The following LRRC4C variants were observed in gnomAD, a reference collection of about 807,000 sequenced individuals.
LRRC4C encodes leucine rich repeat containing 4C.
In LRRC4C, 5 loss-of-function variants were observed where a neutral mutation model predicts 33.6. That is an observed-to-expected ratio of 0.15 (90% CI 0.08 to 0.31). The LOEUF (loss-of-function observed/expected upper bound fraction) is 0.31. Ranked by LOEUF, LRRC4C falls within the 10% of genes least tolerant of loss-of-function variation. LRRC4C has a pLI of 1.00. For missense variants in LRRC4C, 560 were observed against 796.7 expected, an observed-to-expected ratio of 0.70 and a Z score of 3.58; for synonymous variants, 329 against 302.0, an observed-to-expected ratio of 1.09 and a Z score of -0.93.
intron 1 of LRRC4C, among the ~76,000 whole-genome samples, chr11:41,056,679 C>A (rs1858643157): frequency 6.6e-6 from 1 of 152,160 alleles, no homozygotes; most frequent in African/African-American, 2.4e-5. Context: ...TACCACTAAT[C>A]ATTAGATAAA....
chr11:40,368,307 T>C (rs1051580749), intron 3 of LRRC4C, among the ~76,000 whole-genome samples: 2 of 152,164 alleles, frequency 1.3e-5, no homozygotes, highest in Non-Finnish European at 1.5e-5. Flanking sequence ...TAAGAGGACA[T>C]TGGCTTTAGA....
chr11:40,723,488 A>G (rs532819703), intron 2 of LRRC4C, among the ~76,000 whole-genome samples: 101 of 152,284 alleles, frequency 6.6e-4, no homozygotes, highest in African/African-American at 1.9e-3. Context: ...TTCAACCAAA[A>G]ATTTTATATC....
chr11:40,187,672 C>G (rs554492123), intron 5 of LRRC4C, among the ~76,000 whole-genome samples: 1 of 152,178 alleles, frequency 6.6e-6, no homozygotes, highest in Admixed American at 6.5e-5. Context: ...ATGTTCTGAT[C>G]ATTTTTCAAC....
At position 41,220,927 on chromosome 11, in the gene LRRC4C, G is replaced by A. The variant is rs185915820; in HGVS notation, c.-496+238504C>T. On this transcript the variant is annotated intron_variant, in intron 1 of 6. Transcript: ENST00000528697. The stretch of plus-strand genomic sequence containing the variant: ...GACTTTGTGAACTTGAGTTAAAGAT[G>A]TTACTACTATTAAATTACTGATGAT... Among the ~76,000 whole-genome samples, 248 of 152,204 alleles carry A rather than the reference G, an allele frequency of 1.6e-3. 1 individual carries two copies. The highest frequency in any genetic ancestry group is 4.9e-3 in the African/African-American group (202 of 41,542).
chr11:40,715,643 T>C (rs11036036), intron 2 of LRRC4C, among the ~76,000 whole-genome samples: 1 of 152,136 alleles, frequency 6.6e-6, no homozygotes, highest in South Asian at 2.1e-4. Flanking sequence ...ATGCCACATA[T>C]CCTTCAGGAG....
At chr11:41,441,897 A>G (rs1955631134) in intron 1 of LRRC4C, among the ~76,000 whole-genome samples, 2 of 152,208 alleles carry the variant, frequency 1.3e-5, no homozygotes, top group Admixed American at 1.3e-4. Context: ...TGGTCCAAAC[A>G]TCTTCTGCCC....
intron 3 of LRRC4C, among the ~76,000 whole-genome samples, chr11:40,569,467 A>G (rs1215754369): frequency 6.6e-6 from 1 of 152,164 alleles, no homozygotes; most frequent in African/African-American, 2.4e-5. Flanking sequence ...CTCATTTATT[A>G]ACTCCTAAAA....
chr11:40,363,078 A>T (rs7117706), intron 3 of LRRC4C, among the ~76,000 whole-genome samples: 75,801 of 152,044 alleles, frequency 0.5, 19,329 homozygotes, highest in East Asian at 0.8. Context: ...AGGAATATAA[A>T]TTGTTCTCTT....
chr11:41,265,779 T>A (rs570158823), intron 1 of LRRC4C, among the ~76,000 whole-genome samples: 1 of 151,988 alleles, frequency 6.6e-6, no homozygotes, highest in Non-Finnish European at 1.5e-5. Flanking sequence ...TCTGAAAAAA[T>A]TTCTCATTAG....
intron 2 of LRRC4C, among the ~76,000 whole-genome samples, chr11:40,686,176 A>G (rs1944945186): frequency 6.6e-6 from 1 of 152,082 alleles, no homozygotes; most frequent in African/African-American, 2.4e-5. Flanking sequence ...GACCTTTCTA[A>G]GTCTCAGTTT....
intron 2 of LRRC4C, among the ~76,000 whole-genome samples, chr11:40,854,749 A>C (rs1953695827): frequency 6.6e-6 from 1 of 151,000 alleles, no homozygotes; most frequent in Non-Finnish European, 1.5e-5. Flanking sequence ...CATAGAGTAC[A>C]TTAATGTATA....
chr11:40,401,233 C>T (rs1011757283), intron 3 of LRRC4C, among the ~76,000 whole-genome samples: 1 of 151,356 alleles, frequency 6.6e-6, no homozygotes, highest in Non-Finnish European at 1.5e-5. Context: ...CAGTCAATCT[C>T]CCTCTCTCTC....
At chr11:40,175,718 T>C (rs980241304) in intron 5 of LRRC4C, among the ~76,000 whole-genome samples, 1 of 152,158 alleles carries the variant, frequency 6.6e-6, no homozygotes, top group African/African-American at 2.4e-5. Flanking sequence ...CCTTAAAGCC[T>C]CCAGAACACA....
chr11:40,966,545 G>C (rs1408518097), intron 1 of LRRC4C, among the ~76,000 whole-genome samples: 3 of 151,936 alleles, frequency 2.0e-5, no homozygotes, highest in Non-Finnish European at 2.9e-5. Context: ...GATTGTCACA[G>C]TTCCTTTCTA....
intron 1 of LRRC4C, among the ~76,000 whole-genome samples, chr11:41,428,478 T>A (rs1284620840): frequency 6.6e-6 from 1 of 152,154 alleles, no homozygotes; most frequent in African/African-American, 2.4e-5. Flanking sequence ...TGTTTACTAA[T>A]ATCCTTGTGG....
intron 1 of LRRC4C, among the ~76,000 whole-genome samples, chr11:41,146,312 T>C (rs1208284835): frequency 6.6e-6 from 1 of 152,240 alleles, no homozygotes; most frequent in African/African-American, 2.4e-5. Flanking sequence ...GCTTCGTCAG[T>C]CCACTCTGGA....
chr11:41,383,838 A>G (rs1401204251), intron 1 of LRRC4C, among the ~76,000 whole-genome samples: 4 of 151,756 alleles, frequency 2.6e-5, no homozygotes, highest in Non-Finnish European at 5.9e-5. Context: ...TTTGTTGTTT[A>G]TAAGAGATTT....
chr11:41,448,250 C>T (rs576153314), intron 1 of LRRC4C, among the ~76,000 whole-genome samples: 2 of 143,016 alleles, frequency 1.4e-5, no homozygotes, highest in African/African-American at 2.6e-5. Context: ...TATGTGGTGT[C>T]ATTAATAAAT....
intron 4 of LRRC4C, among the ~76,000 whole-genome samples, chr11:40,244,616 T>C (rs1866180867): frequency 6.6e-6 from 1 of 152,170 alleles, no homozygotes; most frequent in Non-Finnish European, 1.5e-5. Context: ...TTATGTCCCT[T>C]TACGTGGTAG....
Sources: gnomAD v4.1 joint callset for allele counts (sites outside exome capture counted in the v4.1 genomes callset) on GRCh38, gnomAD v4.1.1 for gene constraint, MANE v1.5 for transcripts, NCBI Gene and HGNC (gene_info 2026-07-23, HGNC 2026-07-21) for gene names.